The following NRIP1 variants were observed in gnomAD, a reference collection of about 807,000 sequenced individuals.
NRIP1 encodes nuclear receptor-interacting protein 1.
A neutral mutation model predicts 75.0 loss-of-function variants in NRIP1; 28 were observed. The ratio of observed to expected loss-of-function variants is 0.37; its 90% CI spans 0.28 to 0.51. The LOEUF (loss-of-function observed/expected upper bound fraction) is 0.51, where lower values mean the gene tolerates loss of function less well. Ranked by LOEUF, NRIP1 falls within the 20% of genes least tolerant of loss-of-function variation. The pLI, the probability that NRIP1 is intolerant of heterozygous loss-of-function variation, is 0.92. For synonymous variants in NRIP1, 526 were observed against 487.6 expected (o/e 1.08, Z -1.04); for missense variants, 1,435 against 1,343.7 (o/e 1.07, Z -1.06).
intron 3 of NRIP1, among the ~76,000 whole-genome samples, chr21:14,974,783 T>C (rs570683906): frequency 6.6e-6 from 1 of 152,300 alleles, no homozygotes; most frequent in East Asian, 1.9e-4. Context: ...ATTTTTGAAC[T>C]ATATTGTTAC....
intron 2 of NRIP1, among the ~76,000 whole-genome samples, chr21:15,038,620 T>C (rs2088885100): frequency 6.6e-6 from 1 of 152,096 alleles, no homozygotes; most frequent in African/African-American, 2.4e-5. Flanking sequence ...CATATTTACA[T>C]ATTACCTTTC....
At chr21:15,035,190 G>T (rs2088803023) in intron 2 of NRIP1, among the ~76,000 whole-genome samples, 1 of 152,070 alleles carries the variant, frequency 6.6e-6, no homozygotes, top group Non-Finnish European at 1.5e-5. Flanking sequence ...GCCTACTCAA[G>T]AGGTAAAAGA....
chr21:15,005,802 G>C (rs2087957085), intron 3 of NRIP1, among the ~76,000 whole-genome samples: 1 of 152,142 alleles, frequency 6.6e-6, no homozygotes, highest in African/African-American at 2.4e-5. Context: ...AACAAATTAT[G>C]TAAGCAGACA....
rs754096957 is a variant in NRIP1, at chr21:14,966,631, C to A, written c.1562G>T (p.Gly521Val). The A allele has an allele frequency of 6.2e-7, 1 of 1,614,090 alleles. No individual in the cohort carries two copies. The highest frequency in any genetic ancestry group is 1.7e-5 in the Admixed American group (1 of 60,006). Residue 521 changes from glycine to valine, a missense_variant, in exon 4 of 4, where the codon GGA becomes GTA. Transcript: ENST00000318948. ...GAACTTGCTCACATCATTGTGTACT[C>A]CCTGAGGGCTGGTGTTTTTTTCTAC... ...ENVEKNTSPQ[G>V]VHNDVSKFNT...
rs760121314 is a variant in NRIP1 at position 14,967,800 on chromosome 21, T to A, written c.393A>T (p.Thr131=). The change falls in exon 4 of 4, where the codon ACA becomes ACT. Residue 131 remains threonine (T), a synonymous_variant. Transcript: ENST00000318948. ...ATGACTGAAGCAAAGAGGCCAGTAA[T>A]GTGCTATCCTGTTTGCCTTTAGGCA... ...DSVPKGKQDS[T]LLASLLQSFS... 3 of 1,613,942 alleles carry A rather than the reference T, an allele frequency of 1.9e-6. No homozygotes were observed. Among genetic ancestry groups the A allele is most frequent in the Non-Finnish European group, 2.5e-6 (3 of 1,179,994 alleles).
intron 1 of NRIP1, chr21:15,051,291 T>TG (rs1027903699): frequency 6.1e-6 from 1 of 163,150 alleles, no homozygotes; most frequent in Non-Finnish European, 1.3e-5. Flanking sequence ...TGTGCGCGTG[T>TG]GTGTGTCATT....
At chr21:15,021,154 CAAAACAAATGCCCATCAACTA>C (rs2088363798) in intron 2 of NRIP1, among the ~76,000 whole-genome samples, 2 of 151,944 alleles carry the variant, frequency 1.3e-5, no homozygotes, top group Admixed American at 1.3e-4. Flanking sequence ...AAACTGTAAA[CAAAACAAATGCCCATCAACTA>C]TTAAAGGCAA....
intron 3 of NRIP1, among the ~76,000 whole-genome samples, chr21:14,970,336 A>G (rs1452804767): frequency 6.6e-6 from 1 of 152,174 alleles, no homozygotes; most frequent in East Asian, 1.9e-4. Context: ...GCCTGAGGTC[A>G]GGAGTTTGAG....
chr21:15,002,840 CAA>C (rs1198765828), intron 3 of NRIP1, among the ~76,000 whole-genome samples: 6 of 152,112 alleles, frequency 3.9e-5, no homozygotes, highest in African/African-American at 1.2e-4. Context: ...TGTAATAGCT[CAA>C]GTCTACTTTA....
At position 15,011,228 on chromosome 21, in the gene NRIP1, C is replaced by A. The variant is rs113424541; in HGVS notation, c.-335+3116G>T. ...TTTTTGAGATGGAGTCTTGCTCTGT[C>A]GCCCAGGCTGGAGTGCAGTGGCGCG... On this transcript the variant is annotated intron_variant, in intron 3 of 3. Coordinates refer to ENST00000318948, the MANE Select transcript of NRIP1 (RefSeq NM_003489.4). Among the ~76,000 whole-genome samples the A allele has an allele frequency of 1.8e-3, 279 of 152,140 alleles. 1 individual carries two copies. The highest frequency in any genetic ancestry group is 7.5e-3 in the Admixed American group (114 of 15,290).
intron 3 of NRIP1, among the ~76,000 whole-genome samples, chr21:15,001,328 C>T (rs887932447): frequency 6.6e-6 from 1 of 152,096 alleles, no homozygotes; most frequent in Non-Finnish European, 1.5e-5. Flanking sequence ...TGGCAAGAGG[C>T]TTGGACAAGA....
intron 3 of NRIP1, among the ~76,000 whole-genome samples, chr21:14,982,434 A>G (rs904823727): frequency 6.6e-6 from 1 of 152,146 alleles, no homozygotes; most frequent in Non-Finnish European, 1.5e-5. Context: ...CAGACTTAAA[A>G]ATGCATACAG....
intron 3 of NRIP1, among the ~76,000 whole-genome samples, chr21:14,969,280 G>A (rs1329108181): frequency 6.6e-6 from 1 of 152,154 alleles, no homozygotes; most frequent in Non-Finnish European, 1.5e-5. Context: ...AATGTAGTTC[G>A]TTAGTAAATC....
chr21:15,060,387 C>T (rs1190392435), intron 1 of NRIP1, among the ~76,000 whole-genome samples: 2 of 152,030 alleles, frequency 1.3e-5, no homozygotes, highest in Non-Finnish European at 2.9e-5. Context: ...TCTCTATTTT[C>T]CCCCTACCAT....
chr21:14,998,560 C>T (rs1392491121), intron 3 of NRIP1, among the ~76,000 whole-genome samples: 1 of 152,092 alleles, frequency 6.6e-6, no homozygotes, highest in African/African-American at 2.4e-5. Flanking sequence ...TACAGTTGAC[C>T]CTTGAACAAC....
intron 3 of NRIP1, among the ~76,000 whole-genome samples, chr21:14,976,032 A>T (rs2087056247): frequency 6.6e-6 from 1 of 152,284 alleles, no homozygotes; most frequent in Middle Eastern, 3.4e-3. Flanking sequence ...TATATTTTTT[A>T]AAAAAGCATT....
At chr21:15,061,140 G>A (rs1351404187) in intron 1 of NRIP1, among the ~76,000 whole-genome samples, 1 of 152,038 alleles carries the variant, frequency 6.6e-6, no homozygotes, top group Non-Finnish European at 1.5e-5. Flanking sequence ...AGCATATCTT[G>A]TTGAAAATTT....
At chr21:15,064,709 G>T (rs573561477) in intron 1 of NRIP1, 36 bp downstream of exon 1, 1 of 149,892 alleles carries the variant, frequency 6.7e-6, no homozygotes, top group Non-Finnish European at 1.5e-5. Context: ...GCCGGCGGCC[G>T]CTACTCCTGG....
chr21:15,008,325 CA>C (rs1405922793), intron 3 of NRIP1, among the ~76,000 whole-genome samples: 2 of 152,096 alleles, frequency 1.3e-5, no homozygotes. Flanking sequence ...CTCAATCCTG[CA>C]AAATAACACA....
Sources: allele counts gnomAD v4.1 joint callset (sites outside exome capture counted in the v4.1 genomes callset), GRCh38; gene constraint gnomAD v4.1.1; transcripts MANE v1.5; gene names NCBI Gene and HGNC (gene_info 2026-07-23, HGNC 2026-07-21).